MAP3K14: variants seen among roughly 807,000 people sequenced by gnomAD.
MAP3K14 encodes the protein NF-kappa-beta-inducing kinase.
Under a neutral mutation model 99.2 loss-of-function variants are expected in MAP3K14, and 16 were observed. That is an observed-to-expected ratio of 0.16 (90% confidence interval 0.11 to 0.24). MAP3K14 has a LOEUF of 0.24. MAP3K14 is among the 10% of genes least tolerant of loss of function. The pLI is 1.00. For missense variants in MAP3K14, 784 were observed against 1,208.7 expected (o/e 0.65, Z 5.21); for synonymous variants, 462 against 492.4 (o/e 0.94, Z 0.82).
At chr17:45,293,421 CA>C (rs1192532072) in intron 1 of MAP3K14, among the ~76,000 whole-genome samples, 1 of 152,178 alleles carries the variant, frequency 6.6e-6, no homozygotes, top group East Asian at 1.9e-4. Flanking sequence ...GTTAGGTAGG[CA>C]GCTGTCCAGC....
intron 6 of MAP3K14, among the ~76,000 whole-genome samples, chr17:45,283,941 A>G (rs1409639603): frequency 6.6e-6 from 1 of 151,966 alleles, no homozygotes; most frequent in African/African-American, 2.4e-5. Context: ...GGTGGGGGAA[A>G]GGTTGGTGAC....
chr17:45,274,410 A>G, intron 7 of MAP3K14, 54 bp downstream of exon 7: 2 of 1,606,884 alleles, frequency 1.2e-6, no homozygotes, highest in Non-Finnish European at 1.7e-6. Flanking sequence ...GGCAAGACTC[A>G]GGGGGGAACT....
intron 3 of MAP3K14, among the ~76,000 whole-genome samples, chr17:45,287,703 G>A (rs1425361993): frequency 6.6e-6 from 1 of 152,222 alleles, no homozygotes; most frequent in Non-Finnish European, 1.5e-5. Flanking sequence ...ACTTCTTGGG[G>A]AGAGTCAGGG....
chr17:45,273,734 T>G (rs1005431910), intron 8 of MAP3K14, 127 bp from the exon 9 acceptor site: 1 of 740,044 alleles, frequency 1.4e-6, no homozygotes, highest in Non-Finnish European at 2.4e-6. Context: ...CAGCTGCTGC[T>G]TCTGATTAGT....
chr17:45,309,297 C>T (rs1258616587), intron 1 of MAP3K14, among the ~76,000 whole-genome samples: 6 of 152,234 alleles, frequency 3.9e-5, no homozygotes, highest in African/African-American at 7.2e-5. Context: ...GAATCCGAGA[C>T]GCTCTACGCC....
intron 6 of MAP3K14, among the ~76,000 whole-genome samples, chr17:45,278,418 T>A (rs2044196040): frequency 1.3e-5 from 2 of 152,210 alleles, no homozygotes; most frequent in African/African-American, 4.8e-5. Context: ...AGGATATTCA[T>A]GAGAACTAAG....
chr17:45,289,567 C>G (rs978814696), intron 2 of MAP3K14, among the ~76,000 whole-genome samples: 1 of 152,156 alleles, frequency 6.6e-6, no homozygotes, highest in African/African-American at 2.4e-5. Context: ...GATCACAGGG[C>G]GCCCGCCTCA....
Position 45,267,848 on chromosome 17 carries a change from G to A in MAP3K14, c.1973-89C>T, listed in dbSNP as rs1042529414. On this transcript the variant is annotated intron_variant, in intron 11 of 15. Coordinates refer to ENST00000344686, the MANE Select transcript of MAP3K14 (RefSeq NM_003954.5). The surrounding 1 kb of genome is among the most constrained non-coding windows in gnomAD (Gnocchi z 5.1). The stretch of plus-strand genomic sequence containing the variant: ...GAGCGGCCTCTCCTGAGTGCAGAAG[G>A]GCTAGAGGCAAACAAAGGGGAGGAC... The A allele has an allele frequency of 2.6e-6, 3 of 1,139,098 alleles. No homozygotes were observed. Among genetic ancestry groups the A allele is most frequent in the Non-Finnish European group, 3.8e-6 (3 of 788,542 alleles). The allele number at this position is 1,139,098 out of a possible 1,614,324, so 70.6% of individuals were successfully genotyped here.
chr17:45,267,799 G>A lies in MAP3K14; in HGVS notation c.1973-40C>T. On this transcript the variant is annotated intron_variant, in intron 11 of 15. Transcript: ENST00000344686. The surrounding 1 kb of genome is among the most constrained non-coding windows in gnomAD (Gnocchi z 5.1). ...GTACAATGGTGAGGGGAAGCGTGCT[G>A]TGCACAGACAGCGGTCCAGGCAGGA... The A allele has an allele frequency of 6.4e-7, 1 of 1,552,968 alleles. No individual in the cohort carries two copies. The highest frequency in any genetic ancestry group is 8.7e-7 in the Non-Finnish European group (1 of 1,144,336).
chr17:45,280,137 C>T (rs1187171154), intron 6 of MAP3K14, among the ~76,000 whole-genome samples: 1 of 152,204 alleles, frequency 6.6e-6, no homozygotes, highest in Non-Finnish European at 1.5e-5. Context: ...AGATCAGCAG[C>T]AGAGCCAAAG....
intron 1 of MAP3K14, among the ~76,000 whole-genome samples, chr17:45,297,085 A>G (rs929871732): frequency 7.2e-5 from 11 of 152,250 alleles, no homozygotes; most frequent in Admixed American, 6.5e-4. Context: ...TAAGGCTTAG[A>G]GAGGTACATT....
Position 45,317,020 on chromosome 17 carries a change from C to G in MAP3K14, c.-81G>C, listed in dbSNP as rs900007097. On this transcript the variant is annotated 5_prime_UTR_variant, in exon 1 of 16. Transcript: ENST00000344686. ...TGCGCTCCGCTCGCCCGCGATCTCC[C>G]GCCGCCGGCCGCCGACCGCTGAGCT... 6.7e-6 allele frequency: 1 copy of G among 149,568 alleles called. No individual in the cohort carries two copies. The highest frequency in any genetic ancestry group is 6.6e-5 in the Admixed American group (1 of 15,120). 9.3% of individuals were successfully genotyped at this position (149,568 alleles called of 1,614,324 possible).
chr17:45,285,168 T>G (rs1047717055), intron 5 of MAP3K14, among the ~76,000 whole-genome samples: 2 of 152,156 alleles, frequency 1.3e-5, no homozygotes, highest in African/African-American at 2.4e-5. Flanking sequence ...GTTCATGGGC[T>G]GCGGCCACTG....
chr17:45,309,490 T>C (rs1407666634), intron 1 of MAP3K14, among the ~76,000 whole-genome samples: 4 of 152,138 alleles, frequency 2.6e-5, no homozygotes, highest in Non-Finnish European at 5.9e-5. Flanking sequence ...GCCTCAATTG[T>C]GTTTGGTTTT....
intron 1 of MAP3K14, among the ~76,000 whole-genome samples, chr17:45,309,517 A>G (rs1376495270): frequency 6.6e-6 from 1 of 152,228 alleles, no homozygotes; most frequent in African/African-American, 2.4e-5. Flanking sequence ...CCTAGCAGAC[A>G]TGGCCCATTT....
chr17:45,293,672 C>A (rs1234881868), intron 1 of MAP3K14, among the ~76,000 whole-genome samples: 1 of 152,206 alleles, frequency 6.6e-6, no homozygotes, highest in African/African-American at 2.4e-5. Flanking sequence ...GGCCTGGGAG[C>A]TGTAAAGCTC....
intron 1 of MAP3K14, among the ~76,000 whole-genome samples, chr17:45,298,005 C>T (rs1324916259): frequency 6.6e-6 from 1 of 152,196 alleles, no homozygotes; most frequent in Non-Finnish European, 1.5e-5. Context: ...AGGCATGAGC[C>T]ACCATGTCTG....
chr17:45,273,707 TG>T (rs1567989289), intron 8 of MAP3K14, 100 bp from the exon 9 acceptor site: 1 of 853,222 alleles, frequency 1.2e-6, no homozygotes, highest in African/African-American at 1.7e-5. Flanking sequence ...TGTAATTTTC[TG>T]GCTGACCCTA....
chr17:45,286,993 G>A lies in MAP3K14; in HGVS notation c.590C>T (p.Thr197Ile), dbSNP rs754429632. 19 of 1,613,896 alleles carry A rather than the reference G, an allele frequency of 1.2e-5. No homozygotes were observed. The highest frequency in any genetic ancestry group is 2.5e-6 in the Non-Finnish European group (3 of 1,179,874). ...AAGGCCTGGTTCCTTCAGAGGCTTG[G>A]TGAACTGCGGGGTGTTTCTAACATA... The part of the protein sequence containing the change: ...APYVRNTPQF[T>I]KPLKEPGLGQ... Residue 197 changes from threonine to isoleucine, a missense_variant, in exon 5 of 16, where the codon ACC becomes ATC. Around this residue, in one of 5 missense-constraint regions of MAP3K14, gnomAD observed 188 missense variants for 313.0 expected, o/e 0.60. Coordinates refer to ENST00000344686, the MANE Select transcript of MAP3K14 (RefSeq NM_003954.5). The surrounding 1 kb of genome is among the most constrained non-coding windows in gnomAD (Gnocchi z 4.1).
Sources: gnomAD v4.1 joint callset for allele counts (sites outside exome capture counted in the v4.1 genomes callset) on GRCh38, gnomAD v4.1.1 for gene constraint, gnomAD v4.1.1 regional missense constraint, Gnocchi (gnomAD v3.1) non-coding constraint, MANE v1.5 for transcripts, NCBI Gene and HGNC (gene_info 2026-07-23, HGNC 2026-07-21) for gene names.